SMG1: variants seen among roughly 807,000 people sequenced by gnomAD.
The protein encoded by SMG1 is SMG1 nonsense mediated mRNA decay associated PI3K related kinase.
SMG1 carries 22 observed loss-of-function variants against 419.9 expected under a neutral mutation model. The ratio of observed to expected loss-of-function variants is 0.05; its 90% CI spans 0.04 to 0.07. The LOEUF (loss-of-function observed/expected upper bound fraction) is 0.07, where lower values mean the gene tolerates loss of function less well. Ranked by LOEUF, SMG1 falls within the 10% of genes least tolerant of loss-of-function variation. The pLI is 1.00. For missense variants in SMG1, 3,185 were observed against 4,342.0 expected, an observed-to-expected ratio of 0.73 and a Z score of 7.49; for synonymous variants, 1,538 against 1,553.5, an observed-to-expected ratio of 0.99 and a Z score of 0.23.
Position 18,868,274 on chromosome 16 carries a change from T to A in SMG1, c.3111A>T (p.Val1037=). ...CTGCAGGCTGGCCTGCCAACAATCC[T>A]ACCCTCATGATGGAGAGTCGAATCC... The part of the protein sequence containing the change: ...LTRIRLSIMR[V]GLLAGQPAVT... The change falls in exon 22 of 63, where the codon GTA becomes GTT. Residue 1037 remains valine, a synonymous_variant. Transcript: ENST00000446231. 3.3e-6 allele frequency: 5 copies of A among 1,505,728 alleles called. No homozygotes were observed. The highest frequency in any genetic ancestry group is 4.5e-6 in the Non-Finnish European group (5 of 1,116,448). The allele number at this position is 1,505,728 out of a possible 1,614,324, so 93.3% of individuals were successfully genotyped here. A position where few individuals can be genotyped will look rare whatever the true frequency, so the allele number is the denominator to read the frequency against.
chr16:18,847,710 T>C (rs1368757462), intron 37 of SMG1, 103 bp from the exon 38 acceptor site: 11 of 1,569,868 alleles, frequency 7.0e-6, no homozygotes, highest in Admixed American at 1.7e-5. Context: ...TTGGTGCTCA[T>C]TATACAATTG....
intron 9 of SMG1, among the ~76,000 whole-genome samples, chr16:18,883,848 G>A (rs1223872096): frequency 3.3e-5 from 5 of 151,768 alleles, no homozygotes; most frequent in African/African-American, 9.7e-5. Flanking sequence ...GAACCCAGGA[G>A]GTGGAGGTTG....
intron 33 of SMG1, among the ~76,000 whole-genome samples, chr16:18,851,378 C>G (rs563154055): frequency 3.4e-4 from 51 of 152,002 alleles, no homozygotes; most frequent in African/African-American, 1.1e-3. Flanking sequence ...TTAGCATCAC[C>G]TAGTAAGTTT....
At chr16:18,893,296 T>C (rs2036965382) in intron 3 of SMG1, among the ~76,000 whole-genome samples, 1 of 152,228 alleles carries the variant, frequency 6.6e-6, no homozygotes, top group Non-Finnish European at 1.5e-5. Context: ...CAAACAATAG[T>C]GAATACTATG....
intron 1 of SMG1, among the ~76,000 whole-genome samples, chr16:18,913,977 G>T (rs929131149): frequency 6.6e-6 from 1 of 151,976 alleles, no homozygotes. Flanking sequence ...GAACATCCTG[G>T]CTAACACAGT....
At chr16:18,812,589 C>T (rs1219615362) in intron 60 of SMG1, among the ~76,000 whole-genome samples, 11 of 149,236 alleles carry the variant, frequency 7.4e-5, no homozygotes, top group Admixed American at 6.1e-4. Context: ...CATATATATA[C>T]ATATATATAC....
intron 55 of SMG1, among the ~76,000 whole-genome samples, chr16:18,820,003 C>A (rs933408608): frequency 3.3e-5 from 5 of 152,084 alleles, no homozygotes; most frequent in Admixed American, 1.3e-4. Context: ...CTCACTCTGT[C>A]ACCCAGGCTG....
At position 18,812,063 on chromosome 16, in the gene SMG1, C is replaced by T; in HGVS notation, c.10686G>A (p.Leu3562=). 1 of 1,613,938 alleles carries T rather than the reference C, an allele frequency of 6.2e-7. No homozygotes were observed. The highest frequency in any genetic ancestry group is 2.2e-5 in the East Asian group (1 of 44,880). ...PDVMSQNARK[L]IQKNLATSAD... is the part of the protein sequence containing the mutation. ...CTGATGTAGCAAGATTTTTTTGGAT[C>T]AGCTTTCTAGCATTCTGTGACATGA... The change falls in exon 61 of 63, where the codon CTG becomes CTA. Residue 3562 remains leucine, a synonymous_variant. Coordinates refer to ENST00000446231, the MANE Select transcript of SMG1 (RefSeq NM_015092.5).
intron 28 of SMG1, 119 bp downstream of exon 28, chr16:18,858,903 T>G (rs1223278236): frequency 2.7e-6 from 2 of 742,498 alleles, no homozygotes; most frequent in East Asian, 3.0e-5. Context: ...GTTAGATTTC[T>G]GGATCTACTA....
intron 1 of SMG1, among the ~76,000 whole-genome samples, chr16:18,903,486 C>G (rs1422792483): frequency 3.9e-5 from 6 of 152,198 alleles, no homozygotes; most frequent in Admixed American, 3.3e-4. Context: ...CCTTCTCCCA[C>G]CACTACCAGT....
Position 18,838,197 on chromosome 16 carries a change from C to T in SMG1, c.7230G>A (p.Leu2410=). ...ACACAAAGGCCTCCAGCAGCGTCAGCAGGGTCTCTCTGCCACGCCGCATAA... is the reference window on the plus strand; with the variant it reads ...ACACAAAGGCCTCCAGCAGCGTCAGTAGGGTCTCTCTGCCACGCCGCATAA... ...LHIMRRGRET[L]LTLLEAFVYD... The change falls in exon 45 of 63, where the codon CTG becomes CTA. Residue 2410 remains leucine (L), a synonymous_variant. Transcript: ENST00000446231. 1 of 1,612,560 alleles carries T rather than the reference C, an allele frequency of 6.2e-7. No individual in the cohort carries two copies. Among genetic ancestry groups the T allele is most frequent in the Non-Finnish European group, 8.5e-7 (1 of 1,179,118 alleles).
At chr16:18,861,633 A>T (rs1596540865) in intron 25 of SMG1, 1 of 151,892 alleles carries the variant, frequency 6.6e-6, no homozygotes. Flanking sequence ...TCTCAGGGGG[A>T]CCCTTGAGTA....
In SMG1 at chr16:18,876,252, C is replaced by A. The variant is rs750840136; in HGVS notation, c.1762G>T (p.Ala588Ser). 9.3e-6 allele frequency: 15 copies of A among 1,611,696 alleles called. No individual in the cohort carries two copies. Among genetic ancestry groups the A allele is most frequent in the South Asian group, 5.5e-5 (5 of 90,982 alleles). ...GCCTCATGTTTTATTTCAGAACAGG[C>A]CTCAGGAAGTTGTAGACTGTGTAGG... ...NLLHSLQLPE[A>S]CSEIKHEAFK... The change falls in exon 13 of 63, where the codon GCC (alanine) becomes TCC (serine). Residue 588 changes from alanine (A) to serine (S), a missense_variant. Ala to Ser is a moderately conservative substitution (Grantham distance 99). Coordinates refer to ENST00000446231, the MANE Select transcript of SMG1 (RefSeq NM_015092.5).
chr16:18,868,963 T>TA (rs1245218164), intron 20 of SMG1, 141 bp downstream of exon 20: 17 of 774,770 alleles, frequency 2.2e-5, no homozygotes, highest in Admixed American at 5.8e-5. Context: ...AATGAAAGCT[T>TA]ATTCTAACAA....
At chr16:18,889,103 C>T (rs2036770113) in intron 6 of SMG1, among the ~76,000 whole-genome samples, 1 of 152,132 alleles carries the variant, frequency 6.6e-6, no homozygotes, top group South Asian at 2.1e-4. Context: ...GGATTACAGG[C>T]GTGAGCCACC....
chr16:18,894,056 C>CATAAATAAATAAATAA (rs5816014), intron 3 of SMG1, among the ~76,000 whole-genome samples: 1 of 144,640 alleles, frequency 6.9e-6, no homozygotes, highest in African/African-American at 2.6e-5. Flanking sequence ...TACTCCATCT[C>CATAAATAAATAAATAA]ATAAATAAAT....
chr16:18,885,287 A>T, intron 7 of SMG1, 125 bp from the exon 8 acceptor site: 4 of 642,772 alleles, frequency 6.2e-6, no homozygotes, highest in South Asian at 3.9e-5. Context: ...GACATTCTAG[A>T]AACTTAGAAA....
chr16:18,880,238 A>T (rs913022535), intron 10 of SMG1, among the ~76,000 whole-genome samples: 1 of 152,220 alleles, frequency 6.6e-6, no homozygotes, highest in Non-Finnish European at 1.5e-5. Context: ...TTCAAAAATC[A>T]TATTATTTCC....
intron 33 of SMG1, among the ~76,000 whole-genome samples, chr16:18,850,910 C>T (rs193009636): frequency 9.2e-5 from 14 of 152,236 alleles, no homozygotes; most frequent in Middle Eastern, 3.4e-3. Context: ...CCCACTACCA[C>T]GCCCTGCTGT....
Sources: allele counts gnomAD v4.1 joint callset (sites outside exome capture counted in the v4.1 genomes callset), GRCh38; gene constraint gnomAD v4.1.1; transcripts MANE v1.5; gene names NCBI Gene and HGNC (gene_info 2026-07-23, HGNC 2026-07-21).